UTRN: variants seen among roughly 807,000 people sequenced by gnomAD.
UTRN encodes utrophin, also known as dystrophin-related protein 1.
UTRN carries 283 observed loss-of-function variants against 463.9 expected under a neutral mutation model. The ratio of observed to expected loss-of-function variants is 0.61; its 90% CI spans 0.55 to 0.67. The LOEUF is 0.67. Among genes scored for constraint, UTRN ranks in the 30% least tolerant of loss-of-function variants. UTRN has a pLI of 0.00. For synonymous variants in UTRN, 1,442 were observed against 1,431.5 expected, an observed-to-expected ratio of 1.01 and a Z score of -0.17; for missense variants, 3,922 against 4,084.3, an observed-to-expected ratio of 0.96 and a Z score of 1.08.
chr6:144,653,936 C>T (rs144631463), intron 51 of UTRN, among the ~76,000 whole-genome samples: 1 of 152,144 alleles, frequency 6.6e-6, no homozygotes, highest in African/African-American at 2.4e-5. Flanking sequence ...TACTGATTTC[C>T]ATGAAAGGTG....
chr6:144,333,931 C>T (rs1776521489), intron 2 of UTRN, among the ~76,000 whole-genome samples: 2 of 152,126 alleles, frequency 1.3e-5, no homozygotes, highest in African/African-American at 4.8e-5. Context: ...ATCCACCCAC[C>T]TACTATGTGC....
chr6:144,328,052 G>C (rs1306158810), intron 2 of UTRN, among the ~76,000 whole-genome samples: 1 of 152,136 alleles, frequency 6.6e-6, no homozygotes, highest in Non-Finnish European at 1.5e-5. Context: ...CACTGTGAGG[G>C]AAATCGGAGT....
intron 3 of UTRN, among the ~76,000 whole-genome samples, chr6:144,416,034 C>T (rs911022845): frequency 2.0e-5 from 3 of 151,488 alleles, no homozygotes; most frequent in Non-Finnish European, 4.4e-5. Context: ...TTCTGTAGTC[C>T]GTGGATGTGT....
At chr6:144,821,837 C>A (rs1237032123) in intron 66 of UTRN, among the ~76,000 whole-genome samples, 2 of 152,050 alleles carry the variant, frequency 1.3e-5, no homozygotes, top group African/African-American at 4.8e-5. Context: ...CCTGCTAAGG[C>A]CATTTTCTTG....
intron 2 of UTRN, among the ~76,000 whole-genome samples, chr6:144,349,851 CT>C (rs1167433712): frequency 6.6e-6 from 1 of 152,114 alleles, no homozygotes; most frequent in Non-Finnish European, 1.5e-5. Context: ...ATTCAGGGGA[CT>C]GGTGTGGGGT....
intron 48 of UTRN, among the ~76,000 whole-genome samples, chr6:144,553,426 C>A (rs1316317287): frequency 5.9e-5 from 9 of 152,154 alleles, no homozygotes; most frequent in African/African-American, 2.2e-4. Flanking sequence ...GGAATGTTAT[C>A]TTGTAGTTAC....
chr6:144,585,665 A>G (rs180723958), intron 51 of UTRN, among the ~76,000 whole-genome samples: 38 of 152,290 alleles, frequency 2.5e-4, no homozygotes, highest in Admixed American at 4.6e-4. Context: ...CCAACCAAAA[A>G]TACTTAATTG....
At position 144,700,150 on chromosome 6, in the gene UTRN, C is replaced by T; in HGVS notation, c.7716C>T (p.Ile2572=). 1 of 1,613,502 alleles carries T rather than the reference C, an allele frequency of 6.2e-7. No homozygotes were observed. The highest frequency in any genetic ancestry group is 1.1e-5 in the South Asian group (1 of 91,010). The change falls in exon 53 of 75, where the codon ATC becomes ATT. Residue 2572 remains isoleucine, a synonymous_variant. Coordinates refer to ENST00000367545, the MANE Select transcript of UTRN (RefSeq NM_007124.3). ...TGCTGATGTCCTTAGAAGAACTGATCAAATGGCTGAATATGAAAGATGAAG... is the reference window on the plus strand; with the variant it reads ...TGCTGATGTCCTTAGAAGAACTGATTAAATGGCTGAATATGAAAGATGAAG... ...NRLLMSLEEL[I]KWLNMKDEEL... is the part of the protein sequence containing the mutation.
chr6:144,535,605 GTAAAT>G (rs1178519069), intron 43 of UTRN, among the ~76,000 whole-genome samples: 1 of 152,126 alleles, frequency 6.6e-6, no homozygotes, highest in Non-Finnish European at 1.5e-5. Context: ...ATTTGTCTTT[GTAAAT>G]TAACGCTAAA....
chr6:144,758,762 C>T (rs1373467198), intron 58 of UTRN, among the ~76,000 whole-genome samples: 1 of 152,018 alleles, frequency 6.6e-6, no homozygotes, highest in Non-Finnish European at 1.5e-5. Context: ...TAATTTACAA[C>T]GTGCTCTAGT....
intron 43 of UTRN, among the ~76,000 whole-genome samples, chr6:144,535,938 C>T (rs1797489569): frequency 1.3e-5 from 2 of 152,108 alleles, no homozygotes; most frequent in Admixed American, 1.3e-4. Context: ...TGCTACCACA[C>T]CCAGCTGATT....
intron 64 of UTRN, among the ~76,000 whole-genome samples, chr6:144,800,314 C>A (rs539290874): frequency 6.6e-6 from 1 of 152,250 alleles, no homozygotes; most frequent in African/African-American, 2.4e-5. Flanking sequence ...ATTCTCCCTA[C>A]TTTTGAATTA....
chr6:144,771,530 AT>A (rs1448301020), intron 58 of UTRN, among the ~76,000 whole-genome samples: 1 of 152,066 alleles, frequency 6.6e-6, no homozygotes, highest in Admixed American at 6.6e-5. Flanking sequence ...GCTTCAAGCA[AT>A]TCTCATGCCT....
chr6:144,624,434 T>C (rs1030616196), intron 51 of UTRN, among the ~76,000 whole-genome samples: 4 of 152,080 alleles, frequency 2.6e-5, no homozygotes, highest in Admixed American at 2.6e-4. Flanking sequence ...AACCGAAGAA[T>C]GGAAATGTCA....
intron 2 of UTRN, among the ~76,000 whole-genome samples, chr6:144,385,407 A>G (rs1159368185): frequency 1.3e-5 from 2 of 152,232 alleles, no homozygotes; most frequent in African/African-American, 2.4e-5. Flanking sequence ...AGTACTCTTC[A>G]GTCTAAAAAT....
chr6:144,599,483 G>GTTGAT (rs1382200703), intron 51 of UTRN, among the ~76,000 whole-genome samples: 1 of 152,028 alleles, frequency 6.6e-6, no homozygotes, highest in Non-Finnish European at 1.5e-5. Context: ...AAATCTCTAA[G>GTTGAT]TTGATTTTGT....
At chr6:144,369,073 T>A (rs536838174) in intron 2 of UTRN, among the ~76,000 whole-genome samples, 1 of 152,394 alleles carries the variant, frequency 6.6e-6, no homozygotes, top group East Asian at 1.9e-4. Flanking sequence ...TTATAGAATT[T>A]CTGCCTGTGC....
intron 2 of UTRN, among the ~76,000 whole-genome samples, chr6:144,321,553 T>A (rs1775649663): frequency 7.1e-6 from 1 of 140,580 alleles, no homozygotes; most frequent in Non-Finnish European, 1.5e-5. Context: ...CACTGCAGCC[T>A]CTCCCTCCCG....
chr6:144,637,191 A>C (rs936530867), intron 51 of UTRN, among the ~76,000 whole-genome samples: 1 of 152,008 alleles, frequency 6.6e-6, no homozygotes, highest in Admixed American at 6.6e-5. Context: ...GCTGCTCCCA[A>C]ACTCCTGAGC....
Sources: gnomAD v4.1 joint callset for allele counts (sites outside exome capture counted in the v4.1 genomes callset) on GRCh38, gnomAD v4.1.1 for gene constraint, MANE v1.5 for transcripts, NCBI Gene and HGNC (gene_info 2026-07-23, HGNC 2026-07-21) for gene names.